HSDL2: variants seen among roughly 807,000 people sequenced by gnomAD.
HSDL2 encodes the protein hydroxysteroid dehydrogenase-like protein 2.
A neutral mutation model predicts 46.3 loss-of-function variants in HSDL2; 27 were observed. The ratio of observed to expected loss-of-function variants is 0.58; its 90% CI spans 0.43 to 0.80. The LOEUF is 0.80. Ranked by LOEUF, HSDL2 falls within the 30% of genes least tolerant of loss-of-function variation. The pLI, the probability that HSDL2 is intolerant of heterozygous loss-of-function variation, is 0.00. For missense variants in HSDL2, 451 were observed against 502.7 expected (o/e 0.90, Z 0.98); for synonymous variants, 153 against 163.6 (o/e 0.94, Z 0.50).
In HSDL2 at chr9:112,415,101, C is replaced by T. The variant is rs114647053; in HGVS notation, c.396-1740C>T. On this transcript the variant is annotated intron_variant, in intron 4 of 10. Coordinates refer to ENST00000398805, the MANE Select transcript of HSDL2 (RefSeq NM_032303.5). ...GCTGCTGACATTATGTAAAAATTAA[C>T]ATTTTAGAAATATTGAATCTGAATC... Among the ~76,000 whole-genome samples, 607 of 152,174 alleles carry T rather than the reference C, an allele frequency of 4.0e-3. 2 individuals are homozygous for T. Among genetic ancestry groups the T allele is most frequent in the African/African-American group, 0.014 (573 of 41,508 alleles).
intron 1 of HSDL2, among the ~76,000 whole-genome samples, chr9:112,394,061 G>A (rs573816143): frequency 2.6e-4 from 40 of 152,292 alleles, no homozygotes; most frequent in South Asian, 1.0e-3. Flanking sequence ...TACCTGGGTC[G>A]AGAAGAATTA....
chr9:112,441,595 C>T, intron 7 of HSDL2, 104 bp from the exon 8 acceptor site: 1 of 706,274 alleles, frequency 1.4e-6, no homozygotes. Flanking sequence ...TTTTCTTTTG[C>T]ACCAGAAAGA....
At chr9:112,466,101 G>A (rs1246265896) in intron 10 of HSDL2, among the ~76,000 whole-genome samples, 1 of 152,186 alleles carries the variant, frequency 6.6e-6, no homozygotes, top group Non-Finnish European at 1.5e-5. Context: ...CCTAGTGGAT[G>A]TGAAATGGCA....
At chr9:112,428,566 G>A (rs140932661) in intron 6 of HSDL2, among the ~76,000 whole-genome samples, 1 of 152,218 alleles carries the variant, frequency 6.6e-6, no homozygotes, top group East Asian at 1.9e-4. Context: ...TTGTTTTGTT[G>A]TTGTTTTGTT....
At chr9:112,383,324 C>T (rs10453233) in intron 1 of HSDL2, among the ~76,000 whole-genome samples, 3,768 of 152,210 alleles carry the variant, frequency 0.025, 127 homozygotes, top group East Asian at 0.09. Flanking sequence ...CCTCCTGACT[C>T]GGCATCCCAA....
intron 10 of HSDL2, among the ~76,000 whole-genome samples, chr9:112,466,001 C>T (rs553332599): frequency 4.9e-4 from 74 of 152,278 alleles, no homozygotes; most frequent in African/African-American, 1.8e-3. Context: ...ACATTCCCAA[C>T]GGCAATGTAC....
chr9:112,435,256 C>T (rs763597360), intron 6 of HSDL2, among the ~76,000 whole-genome samples: 6 of 151,982 alleles, frequency 3.9e-5, no homozygotes, highest in Admixed American at 1.3e-4. Flanking sequence ...CATGTATATA[C>T]TTATACATGA....
chr9:112,421,570 T>A (rs1832124554), intron 6 of HSDL2, among the ~76,000 whole-genome samples: 1 of 152,106 alleles, frequency 6.6e-6, no homozygotes, highest in African/African-American at 2.4e-5. Context: ...AAAATTTTTG[T>A]AGTTTTTTTT....
chr9:112,439,858 G>A (rs545712594), intron 7 of HSDL2, among the ~76,000 whole-genome samples: 64 of 152,374 alleles, frequency 4.2e-4, no homozygotes, highest in Middle Eastern at 3.4e-3. Flanking sequence ...CTTTGAGCAT[G>A]TCACCCAGTT....
intron 8 of HSDL2, 27 bp downstream of exon 8, chr9:112,441,797 AG>A: frequency 7.3e-7 from 1 of 1,377,308 alleles, no homozygotes; most frequent in Non-Finnish European, 1.0e-6. Flanking sequence ...ATTTTATGTT[AG>A]AAAATATAAA....
At chr9:112,464,016 GT>G (rs923652887) in intron 10 of HSDL2, among the ~76,000 whole-genome samples, 4 of 151,652 alleles carry the variant, frequency 2.6e-5, no homozygotes, top group Admixed American at 2.6e-4. Context: ...ATATTTTCAT[GT>G]GTTTGATAGC....
chr9:112,465,330 T>A (rs557878604), intron 10 of HSDL2, among the ~76,000 whole-genome samples: 1 of 152,278 alleles, frequency 6.6e-6, no homozygotes, highest in African/African-American at 2.4e-5. Context: ...AATTTCACCA[T>A]GTTGGCCAGG....
Position 112,470,929 on chromosome 9 carries a change from G to C in HSDL2, c.*385G>C, listed in dbSNP as rs1833559605. ...GTCTGTTTTAAAATTTTTAGTTTTG[G>C]ATTGTATACTAATGAAAATCTTAAT... On this transcript the variant is annotated 3_prime_UTR_variant, in exon 11 of 11. Transcript: ENST00000398805. The C allele has an allele frequency of 6.5e-6, 1 of 153,678 alleles. No homozygotes were observed. The highest frequency in any genetic ancestry group is 2.4e-5 in the African/African-American group (1 of 41,436). 9.5% of individuals were successfully genotyped at this position (153,678 alleles called of 1,614,324 possible). A position where few individuals can be genotyped will look rare whatever the true frequency, so the allele number is the denominator to read the frequency against.
Position 112,470,547 on chromosome 9 carries a change from GA to G in HSDL2, c.*7del. 2 of 1,530,322 alleles carry G rather than the reference GA, an allele frequency of 1.3e-6. No individual in the cohort carries two copies. Among genetic ancestry groups the G allele is most frequent in the Non-Finnish European group, 1.8e-6 (2 of 1,122,190 alleles). The allele number at this position is 1,530,322 out of a possible 1,614,324, so 94.8% of individuals were successfully genotyped here. On this transcript the variant is annotated 3_prime_UTR_variant, in exon 11 of 11. Coordinates refer to ENST00000398805, the MANE Select transcript of HSDL2 (RefSeq NM_032303.5). The stretch of plus-strand genomic sequence containing the variant: ...ATCAGATGAATGCCAGACTGTGAAG[GA>G]AAATATAAAAAAAAAGTCGACTGCT...
chr9:112,432,871 G>A (rs540787071), intron 6 of HSDL2, among the ~76,000 whole-genome samples: 1 of 152,154 alleles, frequency 6.6e-6, no homozygotes, highest in African/African-American at 2.4e-5. Flanking sequence ...GAGTTCAAGT[G>A]ATTATCCTGC....
At chr9:112,434,601 TA>T (rs529002961) in intron 6 of HSDL2, among the ~76,000 whole-genome samples, 35 of 152,310 alleles carry the variant, frequency 2.3e-4, no homozygotes, top group African/African-American at 8.4e-4. Flanking sequence ...TAGTGGTCCC[TA>T]AGGTAATGGT....
In HSDL2 at chr9:112,470,908, G is replaced by A. The variant is rs1833559304; in HGVS notation, c.*364G>A. ...TTGTCATGTAAAATGAAGCTAGTCT[G>A]TTTTAAAATTTTTAGTTTTGGATTG... On this transcript the variant is annotated 3_prime_UTR_variant, in exon 11 of 11. Transcript: ENST00000398805. 1 of 155,068 alleles carries A rather than the reference G, an allele frequency of 6.4e-6. No individual in the cohort carries two copies. The highest frequency in any genetic ancestry group is 2.4e-5 in the African/African-American group (1 of 41,498). The allele number at this position is 155,068 out of a possible 1,614,324, so 9.6% of individuals were successfully genotyped here.
intron 1 of HSDL2, among the ~76,000 whole-genome samples, chr9:112,394,401 T>C (rs1007001012): frequency 6.6e-6 from 1 of 152,076 alleles, no homozygotes; most frequent in Non-Finnish European, 1.5e-5. Context: ...GTCCTCCCAA[T>C]AAGAAATAAA....
chr9:112,385,560 G>A (rs1223807660), intron 1 of HSDL2, among the ~76,000 whole-genome samples: 1 of 134,254 alleles, frequency 7.4e-6, no homozygotes, highest in Non-Finnish European at 1.6e-5. Flanking sequence ...CGCGATCTCA[G>A]CTCACTGCAG....
Sources: gnomAD v4.1 joint callset for allele counts (sites outside exome capture counted in the v4.1 genomes callset) on GRCh38, gnomAD v4.1.1 for gene constraint, MANE v1.5 for transcripts, NCBI Gene and HGNC (gene_info 2026-07-23, HGNC 2026-07-21) for gene names.